Variants in TENM2 observed in about 807,000 individuals in gnomAD.
TENM2 encodes the protein teneurin-2.
A neutral mutation model predicts 245.2 loss-of-function variants in TENM2; 52 were observed. The ratio of observed to expected loss-of-function variants is 0.21; its 90% CI spans 0.17 to 0.27. TENM2 has a LOEUF of 0.27. TENM2 is among the 10% of genes least tolerant of loss of function. The pLI is 1.00. For missense variants in TENM2, 3,046 were observed against 3,666.8 expected (o/e 0.83, Z 4.37); for synonymous variants, 1,363 against 1,438.9 (o/e 0.95, Z 1.19).
Position 167,358,473 on chromosome 5 carries a change from T to TA in TENM2, c.227-16725_227-16724insA, listed in dbSNP as rs797019825. On this transcript the variant is annotated intron_variant, in intron 1 of 28. Transcript: ENST00000518659. ...TGCACAGGTCACTCCTTTCTTCTTTTTTTTTTTCTGTTTATAGTTATTTGA... is the reference window on the plus strand; with the variant it reads ...TGCACAGGTCACTCCTTTCTTCTTTTATTTTTTTCTGTTTATAGTTATTTGA... Among the ~76,000 whole-genome samples the TA allele has an allele frequency of 1.5e-3, 227 of 151,300 alleles. 1 individual carries two copies. The highest frequency in any genetic ancestry group is 5.1e-3 in the African/African-American group (212 of 41,202).
At chr5:167,060,292 T>A in the TENM2 span, among the ~76,000 whole-genome samples, 1 of 152,068 alleles carries the variant, frequency 6.6e-6, no homozygotes, top group African/African-American at 2.4e-5. Flanking sequence ...CATAGAAACA[T>A]AAATTACAAT....
At chr5:167,527,539 G>A (rs926007196) in intron 2 of TENM2, among the ~76,000 whole-genome samples, 1 of 152,074 alleles carries the variant, frequency 6.6e-6, no homozygotes, top group African/African-American at 2.4e-5. Flanking sequence ...GTCAACAAAT[G>A]CTAATACTCC....
chr5:167,709,720 T>C (rs1758778901), intron 2 of TENM2, among the ~76,000 whole-genome samples: 1 of 152,198 alleles, frequency 6.6e-6, no homozygotes, highest in African/African-American at 2.4e-5. Context: ...ACATGGCTGT[T>C]GACACCCCAA....
chr5:167,681,886 A>G (rs968750890), intron 2 of TENM2, among the ~76,000 whole-genome samples: 1 of 151,894 alleles, frequency 6.6e-6, no homozygotes, highest in African/African-American at 2.4e-5. Flanking sequence ...TTTTCTCTTT[A>G]ACTATGTTCA....
chr5:167,986,033 G>A (rs546011400), intron 4 of TENM2, among the ~76,000 whole-genome samples: 1 of 152,306 alleles, frequency 6.6e-6, no homozygotes, highest in African/African-American at 2.4e-5. Flanking sequence ...TTGCATGGAT[G>A]TTATGAATGA....
intron 2 of TENM2, among the ~76,000 whole-genome samples, chr5:167,789,415 C>T (rs903110131): frequency 2.0e-5 from 3 of 152,168 alleles, no homozygotes; most frequent in Non-Finnish European, 4.4e-5. Context: ...CTTCATTCCT[C>T]GACTTGAATG....
At position 168,190,330 on chromosome 5, in the gene TENM2, C is replaced by G. The variant is rs570040552; in HGVS notation, c.2570-7C>G. The G allele has an allele frequency of 1.2e-4, 196 of 1,611,634 alleles. 2 individuals carry two copies. Among genetic ancestry groups the G allele is most frequent in the Middle Eastern group, 1.7e-4 (1 of 5,740 alleles). On this transcript the variant is annotated splice_polypyrimidine_tract_variant and splice_region_variant and intron_variant, in intron 13 of 28. Transcript: ENST00000518659. The stretch of plus-strand genomic sequence containing the variant: ...TGCTGACTCTGGCTCTGCCTCTGCC[C>G]TTCCAGATGGCCTGGTGGATTGTTT...
At chr5:167,859,381 G>C (rs1771456377) in intron 2 of TENM2, among the ~76,000 whole-genome samples, 1 of 145,518 alleles carries the variant, frequency 6.9e-6, no homozygotes, top group South Asian at 2.2e-4. Flanking sequence ...AGGGAGGTGG[G>C]GGGGGTCAGC....
At chr5:167,634,630 A>G (rs553220452) in intron 2 of TENM2, among the ~76,000 whole-genome samples, 1 of 152,206 alleles carries the variant, frequency 6.6e-6, no homozygotes, top group South Asian at 2.1e-4. Flanking sequence ...AGCTCCATAA[A>G]GAAAATTGAT....
At chr5:167,553,211 TTCCGGACACATAAAGACA>T (rs1323337902) in intron 2 of TENM2, among the ~76,000 whole-genome samples, 1 of 152,128 alleles carries the variant, frequency 6.6e-6, no homozygotes, top group Non-Finnish European at 1.5e-5. Context: ...GGGAAGACCA[TTCCGGACACATAAAGACA>T]TGAGCACTGG....
intron 12 of TENM2, among the ~76,000 whole-genome samples, chr5:168,146,994 T>TC (rs1444909111): frequency 6.6e-6 from 1 of 152,186 alleles, no homozygotes; most frequent in Non-Finnish European, 1.5e-5. Flanking sequence ...GGAGGACAAT[T>TC]CCCCTTTTCA....
At chr5:167,536,093 G>A (rs1288440363) in intron 2 of TENM2, among the ~76,000 whole-genome samples, 1 of 152,168 alleles carries the variant, frequency 6.6e-6, no homozygotes, top group Non-Finnish European at 1.5e-5. Context: ...ATCCTGGCAA[G>A]TAGTTGAACC....
chr5:168,220,109 A>G (rs1474283492), intron 23 of TENM2, among the ~76,000 whole-genome samples: 1 of 152,110 alleles, frequency 6.6e-6, no homozygotes, highest in Non-Finnish European at 1.5e-5. Context: ...TGTAGTTTTG[A>G]TCAAACTTTA....
intron 27 of TENM2, among the ~76,000 whole-genome samples, chr5:168,254,490 GGAAGAGGAAGAA>G (rs1398881751): frequency 1.3e-5 from 2 of 150,926 alleles, no homozygotes; most frequent in Non-Finnish European, 3.0e-5. Context: ...GGGAGGAAGA[GGAAGAGGAAGAA>G]GGGGAGGAAG....
intron 2 of TENM2, among the ~76,000 whole-genome samples, chr5:167,572,881 A>G (rs1347630465): frequency 2.0e-5 from 3 of 152,214 alleles, no homozygotes; most frequent in African/African-American, 7.2e-5. Context: ...CTGTTGTCAC[A>G]TTTGGAGGGA....
At chr5:167,086,742 C>T in the TENM2 span, among the ~76,000 whole-genome samples, 1 of 151,968 alleles carries the variant, frequency 6.6e-6, no homozygotes, top group African/African-American at 2.4e-5. Context: ...AAAGATAAAA[C>T]GATCAGAAAG....
intron 2 of TENM2, among the ~76,000 whole-genome samples, chr5:167,853,387 G>A (rs2973656): frequency 0.8 from 120,783 of 150,554 alleles, 49,151 homozygotes; most frequent in Middle Eastern, 0.85. Flanking sequence ...TTTTCAAATC[G>A]CTCCATGGGT....
intron 2 of TENM2, among the ~76,000 whole-genome samples, chr5:167,651,856 C>A (rs1754491337): frequency 6.6e-6 from 1 of 152,182 alleles, no homozygotes; most frequent in Non-Finnish European, 1.5e-5. Context: ...CCAAGAAATT[C>A]TGGTCACTGC....
intron 2 of TENM2, among the ~76,000 whole-genome samples, chr5:167,438,625 C>T (rs2127456023): frequency 6.6e-6 from 1 of 152,240 alleles, no homozygotes; most frequent in African/African-American, 2.4e-5. Flanking sequence ...TCTCGATCTC[C>T]TGACCTCGTG....
Sources: gnomAD v4.1 joint callset for allele counts (sites outside exome capture counted in the v4.1 genomes callset) on GRCh38, gnomAD v4.1.1 for gene constraint, MANE v1.5 for transcripts, NCBI Gene and HGNC (gene_info 2026-07-23, HGNC 2026-07-21) for gene names.